Variants in HEPACAM observed in about 807,000 individuals in gnomAD.
The protein encoded by HEPACAM is hepatic and glial cell adhesion molecule.
A neutral mutation model predicts 38.3 loss-of-function variants in HEPACAM; 18 were observed. That is an observed-to-expected ratio of 0.47 (90% CI 0.33 to 0.70). The LOEUF (loss-of-function observed/expected upper bound fraction) is 0.70. HEPACAM is among the 30% of genes least tolerant of loss of function. The pLI is 0.03. For synonymous variants in HEPACAM, 216 were observed against 243.1 expected (o/e 0.89, Z 1.04); for missense variants, 466 against 563.0 (o/e 0.83, Z 1.74).
At chr11:124,926,574 C>T (rs968927013) in intron 1 of HEPACAM, among the ~76,000 whole-genome samples, 11 of 152,110 alleles carry the variant, frequency 7.2e-5, no homozygotes, top group Admixed American at 2.6e-4. Flanking sequence ...TCCAACCACC[C>T]GAAGGAGGGT....
In HEPACAM at chr11:124,923,447, G is replaced by A. The variant is rs1287692767; in HGVS notation, c.710-14C>T. The A allele has an allele frequency of 1.3e-6, 2 of 1,561,560 alleles. No individual in the cohort carries two copies. The highest frequency in any genetic ancestry group is 2.2e-5 in the South Asian group (2 of 90,068). ...GGGAGCTTCTTCCTAGGGAGAGAGA[G>A]AAGCAGAGAGGCAGGAGGGACTTCA... On this transcript the variant is annotated splice_polypyrimidine_tract_variant and intron_variant, in intron 3 of 6. Transcript: ENST00000298251.
chr11:124,919,533 C>G lies in HEPACAM; in HGVS notation c.*1605G>C. The G allele has an allele frequency of 1.7e-6, 1 of 587,040 alleles. No individual in the cohort carries two copies. Among genetic ancestry groups the G allele is most frequent in the Non-Finnish European group, 3.0e-6 (1 of 331,956 alleles). The allele number at this position is 587,040 out of a possible 1,614,324, so 36.4% of individuals were successfully genotyped here. A position where few individuals can be genotyped will look rare whatever the true frequency, so the allele number is the denominator to read the frequency against. ...CAAGTCCTGCTGCCTCTTCCACCTT[C>G]TTGAGAAACTTTTCCCCTACATGCA... On this transcript the variant is annotated 3_prime_UTR_variant, in exon 7 of 7. Transcript: ENST00000298251.
rs1432402287 is a variant in HEPACAM, at chr11:124,920,994, A to T, written c.*144T>A. 2.2e-6 allele frequency: 3 copies of T among 1,386,134 alleles called. No homozygotes were observed. The highest frequency in any genetic ancestry group is 1.5e-5 in the African/African-American group (1 of 65,376). The allele number at this position is 1,386,134 out of a possible 1,614,324, so 85.9% of individuals were successfully genotyped here. A position where few individuals can be genotyped will look rare whatever the true frequency, so the allele number is the denominator to read the frequency against. ...CACCCGCCTCCGTCTGCGCATGCTC[A>T]TACACGTTCACACCCGAGACACCAG... On this transcript the variant is annotated 3_prime_UTR_variant, in exon 7 of 7. Coordinates refer to ENST00000298251, the MANE Select transcript of HEPACAM (RefSeq NM_152722.5).
intron 1 of HEPACAM, among the ~76,000 whole-genome samples, chr11:124,925,738 G>C (rs764061234): frequency 5.3e-5 from 8 of 152,238 alleles, no homozygotes; most frequent in Admixed American, 1.3e-4. Context: ...CTAGTAAGGT[G>C]GTTTTGGGAA....
intron 1 of HEPACAM, among the ~76,000 whole-genome samples, chr11:124,928,681 C>G (rs1947247309): frequency 6.6e-6 from 1 of 152,148 alleles, no homozygotes; most frequent in Non-Finnish European, 1.5e-5. Context: ...TTTGGAAAGA[C>G]TAATCAAAAA....
chr11:124,926,397 G>T (rs958054120), intron 1 of HEPACAM, among the ~76,000 whole-genome samples: 7 of 152,148 alleles, frequency 4.6e-5, no homozygotes, highest in African/African-American at 1.7e-4. Flanking sequence ...ACAGATAAAA[G>T]GAGTAGTAGG....
At position 124,921,262 on chromosome 11, in the gene HEPACAM, G is replaced by A. The variant is rs377077795; in HGVS notation, c.1127C>T (p.Ser376Leu). The change falls in exon 7 of 7, where the codon TCG (serine) becomes TTG (leucine). Residue 376 changes from serine (S) to leucine (L), a missense_variant. Transcript: ENST00000298251. The surrounding 1 kb of genome is among the most constrained non-coding windows in gnomAD (Gnocchi z 4.6). ...CGAGCTCGGGGCCCTGGGCGGCGAC[G>A]AGTGTGTCCGGCCGGTGGCTGGGGA... ...ARSPATGRTH[S>L]SPPRAPSSPG... is the part of the protein sequence containing the mutation. 1.5e-5 allele frequency: 21 copies of A among 1,400,160 alleles called. No individual in the cohort carries two copies. The East Asian group carries it at 2.1e-4, about 14-fold the overall frequency. The allele number at this position is 1,400,160 out of a possible 1,614,324, so 86.7% of individuals were successfully genotyped here.
rs1947110805 is a variant in HEPACAM at position 124,920,365 on chromosome 11, T to C, written c.*773A>G. 6.5e-7 allele frequency: 1 copy of C among 1,539,980 alleles called. No homozygotes were observed. Among genetic ancestry groups the C allele is most frequent in the Non-Finnish European group, 8.8e-7 (1 of 1,140,160 alleles). ...ATAAGAATAAGCCCATCCATCTCTT[T>C]TATTCATGAACAGAGACAGAAAGAG... On this transcript the variant is annotated 3_prime_UTR_variant, in exon 7 of 7. Coordinates refer to ENST00000298251, the MANE Select transcript of HEPACAM (RefSeq NM_152722.5).
chr11:124,919,528 A>G lies in HEPACAM; in HGVS notation c.*1610T>C. 1 of 582,898 alleles carries G rather than the reference A, an allele frequency of 1.7e-6. No homozygotes were observed. Among genetic ancestry groups the G allele is most frequent in the Non-Finnish European group, 3.0e-6 (1 of 329,074 alleles). 36.1% of individuals were successfully genotyped at this position (582,898 alleles called of 1,614,324 possible). ...TTATCCAAGTCCTGCTGCCTCTTCC[A>G]CCTTCTTGAGAAACTTTTCCCCTAC... On this transcript the variant is annotated 3_prime_UTR_variant, in exon 7 of 7. Transcript: ENST00000298251.
intron 1 of HEPACAM, among the ~76,000 whole-genome samples, chr11:124,925,470 C>T (rs1254095255): frequency 6.6e-6 from 1 of 152,200 alleles, no homozygotes; most frequent in African/African-American, 2.4e-5. Context: ...ATCCCTACCC[C>T]TATGAAGCTT....
Position 124,919,895 on chromosome 11 carries a change from T to C in HEPACAM, c.*1243A>G, listed in dbSNP as rs963356487. The stretch of plus-strand genomic sequence containing the variant: ...GAGGGCCTCCTTCTCTTTCAGCTTT[T>C]TAATTGCCCTCTCTCCTCACACAGT... On this transcript the variant is annotated 3_prime_UTR_variant, in exon 7 of 7. Coordinates refer to ENST00000298251, the MANE Select transcript of HEPACAM (RefSeq NM_152722.5). The C allele has an allele frequency of 1.2e-6, 2 of 1,614,058 alleles. No homozygotes were observed. Among genetic ancestry groups the C allele is most frequent in the African/African-American group, 2.7e-5 (2 of 74,940 alleles).
chr11:124,921,348 G>A lies in HEPACAM; in HGVS notation c.1041C>T (p.Pro347=), dbSNP rs1178479140. The change falls in exon 7 of 7, where the codon CCC becomes CCT. Residue 347 remains proline (P), a synonymous_variant. Coordinates refer to ENST00000298251, the MANE Select transcript of HEPACAM (RefSeq NM_152722.5). This position sits in a 1 kb window ranked among gnomAD's most constrained non-coding sequence, Gnocchi z 4.6. The part of the protein sequence containing the change: ...PPGYSVSPAV[P]GRSPGLPIRS... ...GGATGGGCAGCCCCGGCGAGCGGCC[G>A]GGCACGGCGGGAGACACGGAGTAGC... is the stretch of plus-strand genomic sequence containing the variant. The A allele has an allele frequency of 2.4e-6, 3 of 1,267,832 alleles. No homozygotes were observed. The highest frequency in any genetic ancestry group is 3.0e-6 in the Non-Finnish European group (3 of 1,011,374). The allele number at this position is 1,267,832 out of a possible 1,614,324, so 78.5% of individuals were successfully genotyped here. A position where few individuals can be genotyped will look rare whatever the true frequency, so the allele number is the denominator to read the frequency against.
chr11:124,926,265 G>C (rs1476540440), intron 1 of HEPACAM, among the ~76,000 whole-genome samples: 2 of 152,160 alleles, frequency 1.3e-5, no homozygotes, highest in East Asian at 3.8e-4. Flanking sequence ...GGATTGGAAA[G>C]TACAATATGC....
intron 1 of HEPACAM, among the ~76,000 whole-genome samples, chr11:124,933,676 C>T (rs1162647519): frequency 6.6e-6 from 1 of 152,166 alleles, no homozygotes; most frequent in Non-Finnish European, 1.5e-5. Context: ...TGTCTCCATA[C>T]CTTCAGCTCT....
chr11:124,933,126 T>C (rs1252581788), intron 1 of HEPACAM, among the ~76,000 whole-genome samples: 2 of 152,168 alleles, frequency 1.3e-5, no homozygotes, highest in Non-Finnish European at 2.9e-5. Context: ...AGCACTTACC[T>C]CTTATCTATC....
chr11:124,928,715 A>G (rs1947248232), intron 1 of HEPACAM, among the ~76,000 whole-genome samples: 1 of 152,036 alleles, frequency 6.6e-6, no homozygotes, highest in African/African-American at 2.4e-5. Context: ...TAATGCAACC[A>G]TTTGTCTCTT....
intron 1 of HEPACAM, among the ~76,000 whole-genome samples, chr11:124,929,891 T>A (rs1947262140): frequency 6.6e-6 from 1 of 152,216 alleles, no homozygotes; most frequent in Non-Finnish European, 1.5e-5. Flanking sequence ...AAAGTTTCCT[T>A]TCGCCAGTAT....
At chr11:124,928,061 T>C (rs1385954601) in intron 1 of HEPACAM, among the ~76,000 whole-genome samples, 1 of 152,208 alleles carries the variant, frequency 6.6e-6, no homozygotes, top group Admixed American at 6.5e-5. Flanking sequence ...TAATGATACT[T>C]TCTTCCCACA....
chr11:124,924,811 G>C lies in HEPACAM; in HGVS notation c.344C>G (p.Ala115Gly), dbSNP rs749792794. Residue 115 changes from alanine to glycine, a missense_variant, in exon 2 of 7, where the codon GCC becomes GGC. Transcript: ENST00000298251. The surrounding 1 kb of genome is among the most constrained non-coding windows in gnomAD (Gnocchi z 4.4). The stretch of plus-strand genomic sequence containing the variant: ...CTCGACCTCATAGGTGCCCTCATCG[G>C]CCAGCTGCAGGTCGCTGAGAAGCAG... ...GSLLLSDLQLADEGTYEVEIS... is the reference protein window; with the variant it reads ...GSLLLSDLQLGDEGTYEVEIS... 4.0e-5 allele frequency: 65 copies of C among 1,613,956 alleles called. No homozygotes were observed. The highest frequency in any genetic ancestry group is 5.3e-5 in the Non-Finnish European group (63 of 1,180,002).
Sources: gnomAD v4.1 joint callset for allele counts (sites outside exome capture counted in the v4.1 genomes callset) on GRCh38, gnomAD v4.1.1 for gene constraint, Gnocchi (gnomAD v3.1) non-coding constraint, MANE v1.5 for transcripts, NCBI Gene and HGNC (gene_info 2026-07-23, HGNC 2026-07-21) for gene names.